Variants in PHF12 observed in about 807,000 individuals in gnomAD.
PHF12 encodes PHD finger protein 12.
A neutral mutation model predicts 99.8 loss-of-function variants in PHF12; 6 were observed. That is an observed-to-expected ratio of 0.06 (90% CI 0.03 to 0.12). The LOEUF is 0.12. Ranked by LOEUF, PHF12 falls within the 10% of genes least tolerant of loss-of-function variation. PHF12 has a pLI of 1.00. For synonymous variants in PHF12, 480 were observed against 514.9 expected (o/e 0.93, Z 0.92); for missense variants, 954 against 1,300.1 (o/e 0.73, Z 4.09).
At chr17:28,935,846 GAGA>G (rs2040499401) in intron 2 of PHF12, among the ~76,000 whole-genome samples, 1 of 152,122 alleles carries the variant, frequency 6.6e-6, no homozygotes. Flanking sequence ...CTCTACTGCT[GAGA>G]AGGTTATCTA....
In PHF12 at chr17:28,905,919, C is replaced by T. The variant is rs2039863947; in HGVS notation, c.*264G>A. 2.8e-6 allele frequency: 1 copy of T among 355,930 alleles called. No individual in the cohort carries two copies. The highest frequency in any genetic ancestry group is 4.6e-5 in the Admixed American group (1 of 21,952). The allele number at this position is 355,930 out of a possible 1,614,324, so 22.0% of individuals were successfully genotyped here. A position where few individuals can be genotyped will look rare whatever the true frequency, so the allele number is the denominator to read the frequency against. On this transcript the variant is annotated 3_prime_UTR_variant, in exon 15 of 15. Transcript: ENST00000332830. ...GTCCAGACCCTGGGTCTTTCCCTCCCTGCCCACGCTGTTCCTCAGCTCAGG... is the reference window on the plus strand; with the variant it reads ...GTCCAGACCCTGGGTCTTTCCCTCCTTGCCCACGCTGTTCCTCAGCTCAGG...
At chr17:28,920,935 G>A (rs779465197) in intron 5 of PHF12, among the ~76,000 whole-genome samples, 12 of 151,950 alleles carry the variant, frequency 7.9e-5, no homozygotes, top group Admixed American at 1.3e-4. Flanking sequence ...GTGCAGTGGC[G>A]CGATCTTGGC....
At position 28,912,691 on chromosome 17, in the gene PHF12, G is replaced by A; in HGVS notation, c.1880C>T (p.Ser627Phe). Residue 627 changes from serine to phenylalanine, a missense_variant, in exon 9 of 15, where the codon TCC (serine) becomes TTC (phenylalanine). Physicochemically the swap from Ser to Phe is radical, Grantham distance 155. Transcript: ENST00000332830. Reference protein sequence around the residue: ...SLVPVPSLPPSIPSSCASIEN... With the variant: ...SLVPVPSLPPFIPSSCASIEN... ...GATGCTGGCACAAGAGCTGGGAATG[G>A]AAGGGGGCAGGCTTGGGACAGGAAC... 1 of 1,614,258 alleles carries A rather than the reference G, an allele frequency of 6.2e-7. No homozygotes were observed.
At chr17:28,926,828 C>T (rs781461895) in intron 3 of PHF12, 163 bp downstream of exon 3, 40 of 1,537,142 alleles carry the variant, frequency 2.6e-5, no homozygotes, top group Non-Finnish European at 3.1e-5. Flanking sequence ...TTAGGCCCTA[C>T]TGGATTCCAA....
intron 5 of PHF12, among the ~76,000 whole-genome samples, chr17:28,919,979 A>C (rs190125314): frequency 6.6e-6 from 1 of 152,328 alleles, no homozygotes; most frequent in East Asian, 1.9e-4. Flanking sequence ...AGCCTACTTC[A>C]TTAAAAAAAT....
At chr17:28,907,384 A>G in intron 13 of PHF12, 1 of 573,956 alleles carries the variant, frequency 1.7e-6, no homozygotes. Flanking sequence ...GAAAAATGGT[A>G]GCCCTGCTCC....
chr17:28,918,380 C>A (rs2040098712), intron 6 of PHF12, among the ~76,000 whole-genome samples: 1 of 152,198 alleles, frequency 6.6e-6, no homozygotes, highest in South Asian at 2.1e-4. Context: ...CTAGAAAAAT[C>A]TTTGACTGGC....
chr17:28,926,481 AAAT>A (rs2040275794), intron 3 of PHF12: 3 of 252,528 alleles, frequency 1.2e-5, no homozygotes, highest in South Asian at 7.7e-5. Context: ...TCAAAGTAGA[AAAT>A]AATAAACCAT....
Position 28,950,520 on chromosome 17 carries a change from T to C in PHF12, c.67-274A>G, listed in dbSNP as rs1000818937. 1 of 546,684 alleles carries C rather than the reference T, an allele frequency of 1.8e-6. No individual in the cohort carries two copies. The highest frequency in any genetic ancestry group is 3.3e-6 in the Non-Finnish European group (1 of 307,430). The allele number at this position is 546,684 out of a possible 1,614,324, so 33.9% of individuals were successfully genotyped here. A position where few individuals can be genotyped will look rare whatever the true frequency, so the allele number is the denominator to read the frequency against. ...GGGTGCGCGGTTCCCTTCTTGCCAC[T>C]TCCTTGTATGGACAGTGGGGGACTC... On this transcript the variant is annotated intron_variant, in intron 1 of 14. Coordinates refer to ENST00000332830, the MANE Select transcript of PHF12 (RefSeq NM_001033561.2). This position sits in a 1 kb window ranked among gnomAD's most constrained non-coding sequence, Gnocchi z 5.7.
chr17:28,947,406 T>G (rs2040739188), intron 2 of PHF12, among the ~76,000 whole-genome samples: 1 of 151,982 alleles, frequency 6.6e-6, no homozygotes, highest in Admixed American at 6.6e-5. Flanking sequence ...GGTGAAACCC[T>G]GTCTCTACTA....
intron 7 of PHF12, among the ~76,000 whole-genome samples, chr17:28,914,551 A>G (rs1173288061): frequency 3.3e-5 from 5 of 151,852 alleles, no homozygotes; most frequent in Admixed American, 3.3e-4. Flanking sequence ...GGGCGCCTAT[A>G]GTCCCAGCTA....
In PHF12 at chr17:28,913,037, G is replaced by A. The variant is rs752658768; in HGVS notation, c.1534C>T (p.His512Tyr). 7 of 1,614,064 alleles carry A rather than the reference G, an allele frequency of 4.3e-6. No individual in the cohort carries two copies. The highest frequency in any genetic ancestry group is 5.1e-6 in the Non-Finnish European group (6 of 1,180,030). The change falls in exon 9 of 15, where the codon CAC (histidine) becomes TAC (tyrosine). Residue 512 changes from histidine to tyrosine, a missense_variant. This residue lies in a region of PHF12 where 392 missense variants were observed against 423.1 expected (regional missense o/e 0.93). Transcript: ENST00000332830. ...ATGTCCTCTAGGGCTGGGGACTGGT[G>A]GGGTGGAGAGCAGCTCAGGGAATTC... ...TQNSLSCSPP[H>Y]QSPALEDIGC...
At chr17:28,910,153 T>C (rs2039932701) in intron 11 of PHF12, 73 bp downstream of exon 11, 2 of 1,601,112 alleles carry the variant, frequency 1.2e-6, no homozygotes, top group Non-Finnish European at 1.7e-6. Flanking sequence ...AGATTCTCCA[T>C]GGAGGCAAGG....
chr17:28,906,706 C>T lies in PHF12; in HGVS notation c.2680+150G>A, dbSNP rs2039877811. Reference sequence around the variant, plus strand: ...TGTACACACATGGGGGTACTCAGCACTTGCTTCTCTGTGGCCTGCCCTGGG... The same window carrying T: ...TGTACACACATGGGGGTACTCAGCATTTGCTTCTCTGTGGCCTGCCCTGGG... On this transcript the variant is annotated intron_variant, in intron 14 of 14. Coordinates refer to ENST00000332830, the MANE Select transcript of PHF12 (RefSeq NM_001033561.2). The surrounding 1 kb of genome is among the most constrained non-coding windows in gnomAD (Gnocchi z 4.2). The T allele has an allele frequency of 7.6e-7, 1 of 1,316,154 alleles. No individual in the cohort carries two copies. Among genetic ancestry groups the T allele is most frequent in the South Asian group, 1.5e-5 (1 of 68,724 alleles). The allele number at this position is 1,316,154 out of a possible 1,614,324, so 81.5% of individuals were successfully genotyped here.
Position 28,950,106 on chromosome 17 carries a change from C to G in PHF12, c.207G>C (p.Leu69=), listed in dbSNP as rs150216481. The G allele has an allele frequency of 5.5e-5, 88 of 1,612,886 alleles. No individual in the cohort carries two copies. Among genetic ancestry groups the G allele is most frequent in the Non-Finnish European group, 6.7e-5 (79 of 1,179,616 alleles). ...CDSCKEGGDL[L]CCDHCPAAFH... ...AGGCAGCCGGGCAGTGGTCGCAGCA[C>G]AGGAGATCTCCACCTTCCTTGCAGC... Residue 69 remains leucine, a synonymous_variant, in exon 2 of 15, where the codon CTG becomes CTC. Coordinates refer to ENST00000332830, the MANE Select transcript of PHF12 (RefSeq NM_001033561.2). This position sits in a 1 kb window ranked among gnomAD's most constrained non-coding sequence, Gnocchi z 5.7.
chr17:28,941,697 G>A (rs1012953566), intron 2 of PHF12, among the ~76,000 whole-genome samples: 11 of 151,876 alleles, frequency 7.2e-5, no homozygotes, highest in African/African-American at 2.2e-4. Flanking sequence ...TCCACCTCCC[G>A]GGTTCAAGCG....
intron 2 of PHF12, among the ~76,000 whole-genome samples, chr17:28,948,755 A>T (rs528388947): frequency 7.2e-5 from 11 of 152,338 alleles, no homozygotes; most frequent in Admixed American, 3.3e-4. Context: ...CACTTAAAAC[A>T]AAATAAAAAG....
In PHF12 at chr17:28,919,179, G is replaced by C; in HGVS notation, c.933C>G (p.Gly311=). ...CGATGTGATTCGGACACATCCATCT[G>C]CCCAGGGGCATGGCAGTGAGCGGCG... ...LEPPLTAMPL[G]RWMCPNHIEH... The change falls in exon 6 of 15, where the codon GGC becomes GGG. Residue 311 remains glycine, a synonymous_variant. Coordinates refer to ENST00000332830, the MANE Select transcript of PHF12 (RefSeq NM_001033561.2). The C allele has an allele frequency of 1.9e-6, 3 of 1,614,206 alleles. No individual in the cohort carries two copies. Among genetic ancestry groups the C allele is most frequent in the Non-Finnish European group, 2.5e-6 (3 of 1,180,018 alleles).
At position 28,906,227 on chromosome 17, in the gene PHF12, TGAGA is replaced by T; in HGVS notation, c.2967_2970del (p.Leu990SerfsTer64). The T allele has an allele frequency of 6.2e-7, 1 of 1,611,568 alleles. No homozygotes were observed. Among genetic ancestry groups the T allele is most frequent in the Non-Finnish European group, 8.5e-7 (1 of 1,178,108 alleles). On this transcript the variant is annotated frameshift_variant, in exon 15 of 15. Coordinates refer to ENST00000332830, the MANE Select transcript of PHF12 (RefSeq NM_001033561.2). LOFTEE classifies it high-confidence loss of function. This position sits in a 1 kb window ranked among gnomAD's most constrained non-coding sequence, Gnocchi z 4.2. ...CGCAGCACAGGGCCCTGGTGGGGCT[TGAGA>T]GAGAGCTTCTCGGCCAAGACCCCAT...
Sources: gnomAD v4.1 joint callset for allele counts (sites outside exome capture counted in the v4.1 genomes callset) on GRCh38, gnomAD v4.1.1 for gene constraint, gnomAD v4.1.1 regional missense constraint, Gnocchi (gnomAD v3.1) non-coding constraint, MANE v1.5 for transcripts, NCBI Gene and HGNC (gene_info 2026-07-23, HGNC 2026-07-21) for gene names.